Variants in KIF26B observed in about 807,000 individuals in gnomAD.
KIF26B encodes the protein kinesin family member 26B, also known as kinesin-like protein KIF26B.
Under a neutral mutation model 151.2 loss-of-function variants are expected in KIF26B, and 63 were observed. That is an observed-to-expected ratio of 0.42 (90% CI 0.34 to 0.51). KIF26B has a LOEUF of 0.51. KIF26B is among the 20% of genes least tolerant of loss of function. The pLI is 0.07. For missense variants in KIF26B, 2,813 were observed against 2,913.6 expected (o/e 0.97, Z 0.79); for synonymous variants, 1,357 against 1,262.1 (o/e 1.08, Z -1.59).
At chr1:245,220,650 A>G (rs1347049413) in intron 2 of KIF26B, among the ~76,000 whole-genome samples, 1 of 152,226 alleles carries the variant, frequency 6.6e-6, no homozygotes, top group Non-Finnish European at 1.5e-5. Context: ...TCTTTAAGGC[A>G]TTAAATACTG....
At chr1:245,487,519 CTACA>C (rs1471154548) in intron 4 of KIF26B, among the ~76,000 whole-genome samples, 8 of 152,148 alleles carry the variant, frequency 5.3e-5, no homozygotes. Context: ...GCCAATCTGG[CTACA>C]TACTTACCCT....
intron 2 of KIF26B, among the ~76,000 whole-genome samples, chr1:245,287,050 A>G (rs1671174401): frequency 6.6e-6 from 1 of 152,110 alleles, no homozygotes; most frequent in Non-Finnish European, 1.5e-5. Flanking sequence ...TGGAGGTTGC[A>G]GTGAGCCGAG....
intron 5 of KIF26B, among the ~76,000 whole-genome samples, chr1:245,551,050 T>A (rs1051688673): frequency 3.3e-5 from 5 of 152,184 alleles, no homozygotes; most frequent in Non-Finnish European, 5.9e-5. Context: ...TTGTTTTATG[T>A]AAATATATAA....
intron 4 of KIF26B, among the ~76,000 whole-genome samples, chr1:245,507,191 G>C (rs75895708): frequency 0.021 from 3,272 of 152,298 alleles, 114 homozygotes; most frequent in African/African-American, 0.075. Flanking sequence ...AGAGGTCAGT[G>C]TATGTGGAGA....
At chr1:245,437,980 T>TTC (rs996371493) in intron 4 of KIF26B, among the ~76,000 whole-genome samples, 6 of 152,146 alleles carry the variant, frequency 3.9e-5, no homozygotes, top group African/African-American at 1.4e-4. Flanking sequence ...CATTACTCTC[T>TTC]TCTCTCTCTC....
intron 5 of KIF26B, among the ~76,000 whole-genome samples, chr1:245,592,994 A>G (rs1403603426): frequency 6.6e-6 from 1 of 151,714 alleles, no homozygotes; most frequent in African/African-American, 2.4e-5. Context: ...GTTATGTAAG[A>G]CCTCCATGAT....
At chr1:245,233,109 C>T (rs1004354056) in intron 2 of KIF26B, among the ~76,000 whole-genome samples, 6 of 152,208 alleles carry the variant, frequency 3.9e-5, no homozygotes, top group Admixed American at 1.3e-4. Context: ...ACTTTCTCAG[C>T]AAGCGTTCAT....
In KIF26B at chr1:245,646,151, T is replaced by C. The variant is rs1196061582; in HGVS notation, c.2129T>C (p.Ile710Thr). ...GGAGGTCGCAGCCGCCTGCATCTCA[T>C]TGATCTCGGCAGCTGTGTGAAAGCT... The part of the protein sequence containing the change: ...MSGGRSRLHL[I>T]DLGSCVKALS... Residue 710 changes from isoleucine to threonine, a missense_variant, in exon 10 of 15, where the codon ATT becomes ACT. Around this residue, in one of 3 missense-constraint regions of KIF26B, gnomAD observed 2,060 missense variants for 2,088.6 expected, o/e 0.99. Coordinates refer to ENST00000407071, the MANE Select transcript of KIF26B (RefSeq NM_018012.4). 4 of 1,614,014 alleles carry C rather than the reference T, an allele frequency of 2.5e-6. No individual in the cohort carries two copies. Among genetic ancestry groups the C allele is most frequent in the Non-Finnish European group, 3.4e-6 (4 of 1,179,882 alleles).
chr1:245,411,298 A>T (rs1238631492), intron 3 of KIF26B, among the ~76,000 whole-genome samples: 1 of 152,172 alleles, frequency 6.6e-6, no homozygotes, highest in Non-Finnish European at 1.5e-5. Context: ...GTCTAAATGG[A>T]TCAACAAGTT....
chr1:245,366,480 G>A (rs1285726089), intron 2 of KIF26B, among the ~76,000 whole-genome samples: 4 of 150,510 alleles, frequency 2.7e-5, no homozygotes, highest in African/African-American at 7.4e-5. Flanking sequence ...GCAGTGAGCC[G>A]AGATCGTGCC....
intron 2 of KIF26B, among the ~76,000 whole-genome samples, chr1:245,176,048 C>T (rs543325762): frequency 3.6e-4 from 54 of 151,620 alleles, no homozygotes; most frequent in African/African-American, 1.3e-3. Context: ...ACTCTTGTTG[C>T]CCAGGCTGGG....
At chr1:245,589,133 A>G (rs2043259159) in intron 5 of KIF26B, among the ~76,000 whole-genome samples, 1 of 152,024 alleles carries the variant, frequency 6.6e-6, no homozygotes, top group Non-Finnish European at 1.5e-5. Flanking sequence ...CCAGATTTCC[A>G]CCTCTTGACC....
chr1:245,295,514 C>G (rs1048023603), intron 2 of KIF26B, among the ~76,000 whole-genome samples: 1 of 152,190 alleles, frequency 6.6e-6, no homozygotes, highest in East Asian at 1.9e-4. Context: ...TGAATGAAAT[C>G]ATAATCCCTG....
At chr1:245,194,030 A>G (rs1163982785) in intron 2 of KIF26B, among the ~76,000 whole-genome samples, 2 of 152,230 alleles carry the variant, frequency 1.3e-5, no homozygotes, top group African/African-American at 4.8e-5. Flanking sequence ...TGAAAATAAT[A>G]TCAAAATAAT....
At chr1:245,217,666 G>A (rs749988192) in intron 2 of KIF26B, among the ~76,000 whole-genome samples, 2 of 152,002 alleles carry the variant, frequency 1.3e-5, no homozygotes. Flanking sequence ...CACTGCGCCC[G>A]GTCGATTGTT....
chr1:245,657,731 T>C (rs2044089873), intron 10 of KIF26B, among the ~76,000 whole-genome samples: 1 of 152,152 alleles, frequency 6.6e-6, no homozygotes, highest in Non-Finnish European at 1.5e-5. Flanking sequence ...CACTCACTCA[T>C]TCATTCATTC....
intron 2 of KIF26B, among the ~76,000 whole-genome samples, chr1:245,162,133 G>C (rs536407365): frequency 6.6e-6 from 1 of 152,340 alleles, no homozygotes; most frequent in Admixed American, 6.5e-5. Flanking sequence ...AGGGCGGCCA[G>C]ACCTCTGCTC....
rs1354964974 is a variant in KIF26B, at chr1:245,563,094, G to C, written c.1350+22144G>C. Among the ~76,000 whole-genome samples, 1 of 152,168 alleles carries C rather than the reference G, an allele frequency of 6.6e-6. No homozygotes were observed. The highest frequency in any genetic ancestry group is 1.5e-5 in the Non-Finnish European group (1 of 68,030). Reference sequence around the variant, plus strand: ...GCCGGCACTTAGTACATGTTTGTTTGGGGAATGAATGTGAGGTCACTAGTC... The same window carrying C: ...GCCGGCACTTAGTACATGTTTGTTTCGGGAATGAATGTGAGGTCACTAGTC... On this transcript the variant is annotated intron_variant, in intron 5 of 14. Coordinates refer to ENST00000407071, the MANE Select transcript of KIF26B (RefSeq NM_018012.4). The surrounding 1 kb of genome is among the most constrained non-coding windows in gnomAD (Gnocchi z 4.6).
At chr1:245,543,746 G>A (rs756135820) in intron 5 of KIF26B, among the ~76,000 whole-genome samples, 1 of 152,104 alleles carries the variant, frequency 6.6e-6, no homozygotes, top group Non-Finnish European at 1.5e-5. Flanking sequence ...TCAGGGGTTC[G>A]AGACCAGCCT....
Sources: allele counts gnomAD v4.1 joint callset (sites outside exome capture counted in the v4.1 genomes callset), GRCh38; gene constraint gnomAD v4.1.1; regional missense constraint gnomAD v4.1.1; non-coding constraint Gnocchi (gnomAD v3.1); transcripts MANE v1.5; gene names NCBI Gene and HGNC (gene_info 2026-07-23, HGNC 2026-07-21).